The following USP46 variants were observed in gnomAD, a reference collection of about 807,000 sequenced individuals.
USP46 encodes ubiquitin specific peptidase 46.
USP46 carries 12 observed loss-of-function variants against 44.4 expected under a neutral mutation model. The ratio of observed to expected loss-of-function variants is 0.27; its 90% CI spans 0.17 to 0.44. USP46 has a LOEUF of 0.44. Among genes scored for constraint, USP46 ranks in the 20% least tolerant of loss-of-function variants. The pLI is 1.00. For synonymous variants in USP46, 155 were observed against 161.5 expected, an observed-to-expected ratio of 0.96 and a Z score of 0.31; for missense variants, 248 against 444.8, an observed-to-expected ratio of 0.56 and a Z score of 3.98.
chr4:52,626,141 A>G lies in USP46; in HGVS notation c.438T>C (p.Asn146=). The stretch of plus-strand genomic sequence containing the variant: ...TCATGTTGCCATTTTTTAATTTTCC[A>G]TTTTGTTTTTCCTGTTTCTTCTCCT... ...LQEEKKQEKQ[N]GKLKNGNMNE... is the part of the protein sequence containing the mutation. The change falls in exon 4 of 9, where the codon AAT becomes AAC. Residue 146 remains asparagine, a synonymous_variant. Coordinates refer to ENST00000441222, the MANE Select transcript of USP46 (RefSeq NM_022832.4). 2.5e-6 allele frequency: 4 copies of G among 1,613,672 alleles called. No individual in the cohort carries two copies. The highest frequency in any genetic ancestry group is 3.4e-6 in the Non-Finnish European group (4 of 1,179,790).
chr4:52,649,024 A>T (rs1038343677), intron 1 of USP46, among the ~76,000 whole-genome samples: 11 of 152,202 alleles, frequency 7.2e-5, no homozygotes, highest in African/African-American at 2.7e-4. Context: ...CGTGTCTCCC[A>T]ATACCACAGA....
chr4:52,631,780 C>T (rs1221584153), intron 1 of USP46, among the ~76,000 whole-genome samples: 4 of 152,130 alleles, frequency 2.6e-5, no homozygotes, highest in East Asian at 1.9e-4. Flanking sequence ...CCGAGGTGAG[C>T]GGATCACTTG....
chr4:52,616,500 G>A (rs565445867), intron 4 of USP46, among the ~76,000 whole-genome samples: 1 of 152,258 alleles, frequency 6.6e-6, no homozygotes, highest in South Asian at 2.1e-4. Context: ...AGCCTCCCAA[G>A]TAGCTGGAAT....
At position 52,594,878 on chromosome 4, in the gene USP46, T is replaced by C. The variant is rs758607484; in HGVS notation, c.*2762A>G. 10 of 152,148 alleles carry C rather than the reference T, an allele frequency of 6.6e-5. No individual in the cohort carries two copies. The highest frequency in any genetic ancestry group is 3.8e-4 in the East Asian group (2 of 5,202). The allele number at this position is 152,148 out of a possible 1,614,324, so 9.4% of individuals were successfully genotyped here. ...CCTCACTCTCTTTAGACCAGTCCAT[T>C]TCCTATGACCACAGAAGTGAAAATG... On this transcript the variant is annotated 3_prime_UTR_variant, in exon 9 of 9. Coordinates refer to ENST00000441222, the MANE Select transcript of USP46 (RefSeq NM_022832.4).
rs1391304159 is a variant in USP46 at position 52,593,010 on chromosome 4, C to A, written c.*4630G>T. ...CCCATAAAACCATGAGCCAATTAAACCTCTTTTCTTCAGAAATGACCCACG... is the reference window on the plus strand; with the variant it reads ...CCCATAAAACCATGAGCCAATTAAAACTCTTTTCTTCAGAAATGACCCACG... On this transcript the variant is annotated 3_prime_UTR_variant, in exon 9 of 9. Transcript: ENST00000441222. The A allele has an allele frequency of 2.5e-6, 1 of 398,344 alleles. No homozygotes were observed. The highest frequency in any genetic ancestry group is 3.6e-5 in the East Asian group (1 of 28,070). 24.7% of individuals were successfully genotyped at this position (398,344 alleles called of 1,614,324 possible).
intron 4 of USP46, among the ~76,000 whole-genome samples, chr4:52,617,857 A>G (rs978320117): frequency 6.6e-6 from 1 of 152,188 alleles, no homozygotes; most frequent in African/African-American, 2.4e-5. Flanking sequence ...GGAAACATCT[A>G]TCACTAAGAG....
At chr4:52,612,449 T>C (rs1160138913) in intron 4 of USP46, among the ~76,000 whole-genome samples, 2 of 152,258 alleles carry the variant, frequency 1.3e-5, no homozygotes. Flanking sequence ...GATTATGTTT[T>C]GCCACCCTTA....
intron 1 of USP46, among the ~76,000 whole-genome samples, chr4:52,656,038 A>T (rs746269151): frequency 6.6e-6 from 1 of 152,228 alleles, no homozygotes; most frequent in Non-Finnish European, 1.5e-5. Context: ...TATCTGGTGG[A>T]GGAAACAAAT....
Position 52,636,009 on chromosome 4 carries a change from T to C in USP46, c.37-4865A>G, listed in dbSNP as rs1358627345. Among the ~76,000 whole-genome samples, 5 of 152,244 alleles carry C rather than the reference T, an allele frequency of 3.3e-5. No homozygotes were observed. In the South Asian group the frequency reaches 1.0e-3, roughly 32 times the overall value. On this transcript the variant is annotated intron_variant, in intron 1 of 8. Transcript: ENST00000441222. ...AGAATAGTAGTCCCCCTAACCTCCA[T>C]AACTAGAAAATACATGACCTGACAT... is the stretch of plus-strand genomic sequence containing the variant.
At chr4:52,611,211 A>G (rs977887054) in intron 4 of USP46, among the ~76,000 whole-genome samples, 4 of 152,184 alleles carry the variant, frequency 2.6e-5, no homozygotes, top group African/African-American at 9.7e-5. Context: ...CATGACAATG[A>G]CCAGACCTGG....
chr4:52,628,252 C>T (rs1717668686), intron 2 of USP46, 89 bp from the exon 3 acceptor site: 9 of 1,331,984 alleles, frequency 6.8e-6, no homozygotes, highest in Non-Finnish European at 1.0e-6. Flanking sequence ...GGTCCCTGCT[C>T]CGTGAACTGG....
intron 5 of USP46, among the ~76,000 whole-genome samples, chr4:52,609,388 TA>T (rs1716826334): frequency 6.6e-6 from 1 of 151,508 alleles, no homozygotes. Flanking sequence ...AATTCTAGTT[TA>T]AAAAACAAAT....
intron 4 of USP46, among the ~76,000 whole-genome samples, chr4:52,616,545 G>T (rs1717156264): frequency 2.6e-5 from 4 of 152,070 alleles, no homozygotes; most frequent in Middle Eastern, 3.2e-3. Context: ...TCTAATTTTT[G>T]TATTTTTCGT....
At chr4:52,615,417 TAAGAGAAATAAAAGAG>T (rs1386570099) in intron 4 of USP46, among the ~76,000 whole-genome samples, 3 of 152,060 alleles carry the variant, frequency 2.0e-5, no homozygotes, top group African/African-American at 7.2e-5. Flanking sequence ...ATAAAGTTAT[TAAGAGAAATAAAAGAG>T]GACATTTCCT....
At chr4:52,645,261 T>C (rs1718510222) in intron 1 of USP46, among the ~76,000 whole-genome samples, 1 of 149,836 alleles carries the variant, frequency 6.7e-6, no homozygotes, top group African/African-American at 2.5e-5. Flanking sequence ...TCAACATGAC[T>C]TCATTTAATA....
At chr4:52,633,406 G>A (rs1318862314) in intron 1 of USP46, among the ~76,000 whole-genome samples, 2 of 152,128 alleles carry the variant, frequency 1.3e-5, no homozygotes, top group Non-Finnish European at 2.9e-5. Flanking sequence ...AGTGCTCACT[G>A]CCTTCACAAT....
chr4:52,592,790 G>C lies in USP46; in HGVS notation c.*4850C>G. ...GGAGGCAGAGGTTGCAGTGAGCTGA[G>C]ATCTCATCACTGCACTCCAGCCTGG... On this transcript the variant is annotated 3_prime_UTR_variant, in exon 9 of 9. Transcript: ENST00000441222. 1 of 398,126 alleles carries C rather than the reference G, an allele frequency of 2.5e-6. No homozygotes were observed. Among genetic ancestry groups the C allele is most frequent in the Non-Finnish European group, 4.4e-6 (1 of 226,104 alleles). The allele number at this position is 398,126 out of a possible 1,614,324, so 24.7% of individuals were successfully genotyped here. A position where few individuals can be genotyped will look rare whatever the true frequency, so the allele number is the denominator to read the frequency against.
chr4:52,604,900 GA>G (rs937569826), intron 5 of USP46, among the ~76,000 whole-genome samples: 1 of 151,592 alleles, frequency 6.6e-6, no homozygotes, highest in South Asian at 2.1e-4. Flanking sequence ...ACTGGATTCA[GA>G]AAAAAAACTC....
At chr4:52,639,603 T>C (rs1212494609) in intron 1 of USP46, among the ~76,000 whole-genome samples, 1 of 152,200 alleles carries the variant, frequency 6.6e-6, no homozygotes, top group African/African-American at 2.4e-5. Flanking sequence ...TAGAATCTAA[T>C]CTAGTCATAT....
Sources: allele counts gnomAD v4.1 joint callset (sites outside exome capture counted in the v4.1 genomes callset), GRCh38; gene constraint gnomAD v4.1.1; transcripts MANE v1.5; gene names NCBI Gene and HGNC (gene_info 2026-07-23, HGNC 2026-07-21).